The following SNX29 variants were observed in gnomAD, a reference collection of about 807,000 sequenced individuals.
SNX29 encodes sorting nexin 29.
In SNX29, 78 loss-of-function variants were observed where a neutral mutation model predicts 102.1. That is an observed-to-expected ratio of 0.76 (90% CI 0.64 to 0.92). The LOEUF is 0.92. Among genes scored for constraint, SNX29 ranks in the 40% least tolerant of loss-of-function variants. The pLI is 0.00. For synonymous variants in SNX29, 580 were observed against 414.5 expected, an observed-to-expected ratio of 1.40 and a Z score of -4.85; for missense variants, 1,280 against 1,061.7, an observed-to-expected ratio of 1.21 and a Z score of -2.86.
intron 18 of SNX29, among the ~76,000 whole-genome samples, chr16:12,462,250 C>G (rs2151758746): frequency 6.6e-6 from 1 of 151,774 alleles, no homozygotes; most frequent in East Asian, 1.9e-4. Context: ...GCCATTCACT[C>G]TTGGACATTG....
chr16:12,268,638 C>G (rs1454500985), intron 14 of SNX29, among the ~76,000 whole-genome samples: 1 of 152,106 alleles, frequency 6.6e-6, no homozygotes, highest in Non-Finnish European at 1.5e-5. Flanking sequence ...AGAACCTTGC[C>G]CGTTGTTATG....
At chr16:12,567,399 C>T (rs147601383) in intron 20 of SNX29, among the ~76,000 whole-genome samples, 90 of 152,250 alleles carry the variant, frequency 5.9e-4, no homozygotes, top group African/African-American at 2.1e-3. Flanking sequence ...TATTTACTTC[C>T]TATTCAAATA....
At chr16:12,365,770 C>T (rs1426977778) in intron 16 of SNX29, among the ~76,000 whole-genome samples, 4 of 145,628 alleles carry the variant, frequency 2.7e-5, no homozygotes, top group African/African-American at 5.1e-5. Context: ...GGGCCGGGCG[C>T]GGTGGCTCAC....
At chr16:12,227,009 A>G (rs901022354) in intron 14 of SNX29, among the ~76,000 whole-genome samples, 5 of 152,166 alleles carry the variant, frequency 3.3e-5, no homozygotes, top group Non-Finnish European at 5.9e-5. Flanking sequence ...GGAAATTTGG[A>G]CTTGGCCAAT....
intron 20 of SNX29, among the ~76,000 whole-genome samples, chr16:12,537,866 T>G (rs1205564015): frequency 6.6e-6 from 1 of 151,886 alleles, no homozygotes; most frequent in African/African-American, 2.4e-5. Flanking sequence ...ACGCTTATAG[T>G]CCCAGCTTTT....
At chr16:12,299,916 G>C (rs1383997805) in intron 15 of SNX29, among the ~76,000 whole-genome samples, 1 of 151,684 alleles carries the variant, frequency 6.6e-6, no homozygotes, top group African/African-American at 2.4e-5. Context: ...TGTCACGCAG[G>C]CTGGAGTGCA....
At chr16:12,302,632 G>A (rs1162179549) in intron 15 of SNX29, among the ~76,000 whole-genome samples, 2 of 152,138 alleles carry the variant, frequency 1.3e-5, no homozygotes, top group Non-Finnish European at 2.9e-5. Flanking sequence ...TGACCTAAGC[G>A]CCTCCCAAAG....
At chr16:12,133,101 C>G (rs865994117) in intron 13 of SNX29, among the ~76,000 whole-genome samples, 1 of 152,048 alleles carries the variant, frequency 6.6e-6, no homozygotes. Context: ...CGGCGCCATG[C>G]TTTCCTCAGG....
chr16:12,126,035 A>C (rs919478045), intron 11 of SNX29, among the ~76,000 whole-genome samples: 5 of 151,984 alleles, frequency 3.3e-5, no homozygotes, highest in African/African-American at 1.2e-4. Context: ...TCTACTATCT[A>C]GTCTGCTGCT....
Position 12,136,887 on chromosome 16 carries a change from C to A in SNX29, c.1595+7129C>A, listed in dbSNP as rs141915266. On this transcript the variant is annotated intron_variant, in intron 13 of 20. Transcript: ENST00000566228. ...CCTGAGTAGCTGGGATTACAGGTGCCCGCCATCACGCCTGGCTAATTTTTA... is the reference window on the plus strand; with the variant it reads ...CCTGAGTAGCTGGGATTACAGGTGCACGCCATCACGCCTGGCTAATTTTTA... Among the ~76,000 whole-genome samples the A allele has an allele frequency of 3.3e-3, 498 of 152,178 alleles. 5 individuals carry two copies. The highest frequency in any genetic ancestry group is 0.011 in the African/African-American group (474 of 41,516).
rs982662812 is a variant in SNX29, at chr16:12,571,197, CAACA to C, written c.*2574_*2577del. The C allele has an allele frequency of 1.3e-4, 31 of 232,268 alleles. No individual in the cohort carries two copies. Among genetic ancestry groups the C allele is most frequent in the African/African-American group, 5.1e-4 (23 of 45,284 alleles). 14.4% of individuals were successfully genotyped at this position (232,268 alleles called of 1,614,324 possible). On this transcript the variant is annotated 3_prime_UTR_variant, in exon 21 of 21. Transcript: ENST00000566228. ...CTAGTGTGGTGGGATGAACTTCAGG[CAACA>C]AACAACTGGCAGGGTTCCCAGTTCC... is the stretch of plus-strand genomic sequence containing the variant.
At chr16:12,346,582 C>G (rs1358124929) in intron 15 of SNX29, among the ~76,000 whole-genome samples, 4 of 152,168 alleles carry the variant, frequency 2.6e-5, no homozygotes, top group African/African-American at 7.2e-5. Flanking sequence ...TCTCACAGGA[C>G]AGGTGTGAAT....
At chr16:12,547,391 G>T (rs1015593259) in intron 20 of SNX29, among the ~76,000 whole-genome samples, 3 of 152,180 alleles carry the variant, frequency 2.0e-5, no homozygotes, top group African/African-American at 7.2e-5. Flanking sequence ...TTTGTTATGG[G>T]TGATAGAACA....
At chr16:12,006,088 C>T (rs1376361860) in intron 3 of SNX29, among the ~76,000 whole-genome samples, 1 of 152,014 alleles carries the variant, frequency 6.6e-6, no homozygotes, top group Non-Finnish European at 1.5e-5. Context: ...TCTGTAATCT[C>T]ATTGCTTTGG....
chr16:12,558,360 GC>G, intron 20 of SNX29, among the ~76,000 whole-genome samples: 2 of 152,150 alleles, frequency 1.3e-5, no homozygotes, highest in Non-Finnish European at 2.9e-5. Flanking sequence ...CAGCATCACA[GC>G]CATTGGTAAC....
At chr16:12,077,228 G>A (rs1271879828) in intron 10 of SNX29, among the ~76,000 whole-genome samples, 1 of 151,824 alleles carries the variant, frequency 6.6e-6, no homozygotes, top group Non-Finnish European at 1.5e-5. Context: ...TCAGCGAGCT[G>A]AGATTGCACC....
chr16:12,510,004 G>A (rs115240563), intron 19 of SNX29, among the ~76,000 whole-genome samples: 2,719 of 152,320 alleles, frequency 0.018, 81 homozygotes, highest in African/African-American at 0.062. Flanking sequence ...GCATTGTGCC[G>A]TAGTCCTCAT....
chr16:12,344,078 G>T (rs1384729315), intron 15 of SNX29, among the ~76,000 whole-genome samples: 1 of 152,096 alleles, frequency 6.6e-6, no homozygotes, highest in Non-Finnish European at 1.5e-5. Flanking sequence ...CTTTCTCTTG[G>T]CTCTCATTCA....
At chr16:12,423,435 C>T (rs1443462083) in intron 18 of SNX29, among the ~76,000 whole-genome samples, 2 of 152,178 alleles carry the variant, frequency 1.3e-5, no homozygotes, top group Admixed American at 1.3e-4. Flanking sequence ...CAGAGCCTCC[C>T]CTCCAGCTCA....
Sources: gnomAD v4.1 joint callset for allele counts (sites outside exome capture counted in the v4.1 genomes callset) on GRCh38, gnomAD v4.1.1 for gene constraint, MANE v1.5 for transcripts, NCBI Gene and HGNC (gene_info 2026-07-23, HGNC 2026-07-21) for gene names.